TMTC1: variants seen among roughly 807,000 people sequenced by gnomAD.
TMTC1 encodes transmembrane O-mannosyltransferase targeting cadherins 1, also known as protein O-mannosyl-transferase TMTC1.
In TMTC1, 73 loss-of-function variants were observed where a neutral mutation model predicts 104.8. That is an observed-to-expected ratio of 0.70 (90% confidence interval 0.58 to 0.85). The LOEUF (loss-of-function observed/expected upper bound fraction) is 0.85, where lower values mean the gene tolerates loss of function less well. Among genes scored for constraint, TMTC1 ranks in the 40% least tolerant of loss-of-function variants. TMTC1 has a pLI of 0.00. For missense variants in TMTC1, 1,035 were observed against 1,096.1 expected, an observed-to-expected ratio of 0.94 and a Z score of 0.79; for synonymous variants, 434 against 428.7, an observed-to-expected ratio of 1.01 and a Z score of -0.15.
chr12:29,548,193 A>C (rs1944992277), intron 10 of TMTC1, among the ~76,000 whole-genome samples: 1 of 152,202 alleles, frequency 6.6e-6, no homozygotes, highest in Non-Finnish European at 1.5e-5. Flanking sequence ...GTGGTAATAG[A>C]AGAGGAGAGA....
intron 8 of TMTC1, among the ~76,000 whole-genome samples, chr12:29,575,330 G>C (rs191890828): frequency 1.3e-5 from 2 of 152,260 alleles, no homozygotes; most frequent in African/African-American, 4.8e-5. Context: ...TTTCTGGGCA[G>C]TTGTATTTTA....
rs1232394477 is a variant in TMTC1, at chr12:29,501,070, A to G, written c.*5776T>C. The G allele has an allele frequency of 6.6e-6, 1 of 152,558 alleles. No homozygotes were observed. Among genetic ancestry groups the G allele is most frequent in the Non-Finnish European group, 1.5e-5 (1 of 68,028 alleles). The allele number at this position is 152,558 out of a possible 1,614,324, so 9.5% of individuals were successfully genotyped here. ...ATGCAAATCATTTCCCCCTGACAAAAGGAGGGATCTGCGTGAATTACAGCA... is the reference window on the plus strand; with the variant it reads ...ATGCAAATCATTTCCCCCTGACAAAGGGAGGGATCTGCGTGAATTACAGCA... On this transcript the variant is annotated 3_prime_UTR_variant, in exon 18 of 18. Coordinates refer to ENST00000539277, the MANE Select transcript of TMTC1 (RefSeq NM_001193451.2).
rs1281426516 is a variant in TMTC1, at chr12:29,501,800, G to T, written c.*5046C>A. The T allele has an allele frequency of 6.6e-6, 1 of 151,986 alleles. No individual in the cohort carries two copies. The highest frequency in any genetic ancestry group is 2.4e-5 in the African/African-American group (1 of 41,384). The allele number at this position is 151,986 out of a possible 1,614,324, so 9.4% of individuals were successfully genotyped here. A position where few individuals can be genotyped will look rare whatever the true frequency, so the allele number is the denominator to read the frequency against. On this transcript the variant is annotated 3_prime_UTR_variant, in exon 18 of 18. Transcript: ENST00000539277. ...AGGCCCTAAAGATTTTAATTGAAAAGATCAATTAAAATCAATATTTTAATA... is the reference window on the plus strand; with the variant it reads ...AGGCCCTAAAGATTTTAATTGAAAATATCAATTAAAATCAATATTTTAATA...
intron 7 of TMTC1, among the ~76,000 whole-genome samples, chr12:29,596,523 A>G (rs79024880): frequency 0.047 from 7,187 of 152,292 alleles, 580 homozygotes; most frequent in African/African-American, 0.16. Context: ...TAATAAAAAT[A>G]CATTAACAAA....
chr12:29,733,284 T>C (rs1371013253), intron 5 of TMTC1, among the ~76,000 whole-genome samples: 3 of 152,142 alleles, frequency 2.0e-5, no homozygotes, highest in Non-Finnish European at 2.9e-5. Context: ...GTGGCGGAAG[T>C]AGGCAGTCTG....
At chr12:29,536,374 A>G (rs1289052093) in intron 10 of TMTC1, 57 bp from the exon 11 acceptor site, 11 of 1,095,986 alleles carry the variant, frequency 1.0e-5, no homozygotes, top group Non-Finnish European at 1.5e-5. Context: ...CTTTGTTTCA[A>G]TCCTCTGATT....
At chr12:29,683,012 T>C (rs1940972588) in intron 5 of TMTC1, among the ~76,000 whole-genome samples, 1 of 152,194 alleles carries the variant, frequency 6.6e-6, no homozygotes, top group East Asian at 1.9e-4. Flanking sequence ...GATTTTCCTG[T>C]GCATCTGTGT....
At chr12:29,722,845 C>T (rs369954627) in intron 5 of TMTC1, among the ~76,000 whole-genome samples, 11 of 147,498 alleles carry the variant, frequency 7.5e-5, no homozygotes, top group Non-Finnish European at 1.2e-4. Flanking sequence ...TACTTGAACC[C>T]GGGAGGCAGA....
intron 5 of TMTC1, among the ~76,000 whole-genome samples, chr12:29,652,470 G>C (rs1483672724): frequency 6.6e-6 from 1 of 152,136 alleles, no homozygotes; most frequent in Non-Finnish European, 1.5e-5. Context: ...ATGTCTTAAC[G>C]ACAAAAAGCA....
chr12:29,569,068 G>A (rs1254668400), intron 9 of TMTC1: 4 of 441,818 alleles, frequency 9.1e-6, no homozygotes, highest in Non-Finnish European at 1.4e-5. Flanking sequence ...TAAGAAAAGG[G>A]TTTTGACATT....
At chr12:29,652,318 C>G (rs1939559100) in intron 5 of TMTC1, among the ~76,000 whole-genome samples, 1 of 152,150 alleles carries the variant, frequency 6.6e-6, no homozygotes, top group Admixed American at 6.5e-5. Flanking sequence ...CTTTAAATCT[C>G]AAAGAGGAAG....
intron 9 of TMTC1, among the ~76,000 whole-genome samples, chr12:29,565,611 T>A (rs1203087181): frequency 6.6e-6 from 1 of 151,806 alleles, no homozygotes; most frequent in Non-Finnish European, 1.5e-5. Context: ...CTTTGGGAGG[T>A]CAAGATGGGT....
chr12:29,569,680 T>C (rs895410076), intron 9 of TMTC1, among the ~76,000 whole-genome samples: 3 of 152,198 alleles, frequency 2.0e-5, no homozygotes, highest in Non-Finnish European at 4.4e-5. Flanking sequence ...AATCTATTTC[T>C]TAAAAAACAA....
chr12:29,519,331 A>G (rs550398830), intron 12 of TMTC1: 2 of 152,206 alleles, frequency 1.3e-5, no homozygotes, highest in Non-Finnish European at 2.9e-5. Flanking sequence ...AAAATTTTCC[A>G]CTTTACAGAT....
intron 11 of TMTC1, among the ~76,000 whole-genome samples, chr12:29,524,617 A>C (rs1944283184): frequency 6.6e-6 from 1 of 152,232 alleles, no homozygotes; most frequent in African/African-American, 2.4e-5. Context: ...TGTCTAGAAG[A>C]GTGTAAAGAA....
intron 2 of TMTC1, among the ~76,000 whole-genome samples, chr12:29,766,612 G>A (rs1215042230): frequency 2.0e-5 from 3 of 152,084 alleles, no homozygotes; most frequent in Admixed American, 6.6e-5. Context: ...GTAAGATGCT[G>A]GTGTACACAA....
At chr12:29,670,095 C>A (rs926443016) in intron 5 of TMTC1, among the ~76,000 whole-genome samples, 2 of 152,178 alleles carry the variant, frequency 1.3e-5, no homozygotes, top group African/African-American at 4.8e-5. Context: ...CTGCTACTTG[C>A]AATACACATT....
intron 5 of TMTC1, among the ~76,000 whole-genome samples, chr12:29,701,008 A>G (rs1236875906): frequency 6.6e-6 from 1 of 151,104 alleles, no homozygotes; most frequent in African/African-American, 2.4e-5. Context: ...AAACTTCCCA[A>G]TTCCCAGCAG....
intron 5 of TMTC1, among the ~76,000 whole-genome samples, chr12:29,744,012 G>T (rs1398867052): frequency 1.3e-5 from 2 of 152,168 alleles, no homozygotes; most frequent in African/African-American, 2.4e-5. Context: ...CTGATAGAAA[G>T]TCATGAGACC....
Sources: allele counts gnomAD v4.1 joint callset (sites outside exome capture counted in the v4.1 genomes callset), GRCh38; gene constraint gnomAD v4.1.1; transcripts MANE v1.5; gene names NCBI Gene and HGNC (gene_info 2026-07-23, HGNC 2026-07-21).